GALNT18: variants seen among roughly 807,000 people sequenced by gnomAD.
GALNT18 encodes GalNAc-transferase 18.
Under a neutral mutation model 69.5 loss-of-function variants are expected in GALNT18, and 44 were observed. The observed-to-expected ratio is 0.63, with a 90% confidence interval of 0.50 to 0.81. The LOEUF (loss-of-function observed/expected upper bound fraction) is 0.81, where lower values mean the gene tolerates loss of function less well. Among genes scored for constraint, GALNT18 ranks in the 40% least tolerant of loss-of-function variants. The probability of loss-of-function intolerance (pLI) is 0.00; values close to 1 mark genes in which losing one functional copy is unlikely to be tolerated. For synonymous variants in GALNT18, 364 were observed against 318.2 expected (o/e 1.14, Z -1.53); for missense variants, 715 against 810.0 (o/e 0.88, Z 1.42).
chr11:11,401,839 A>C (rs1050690109), intron 3 of GALNT18, among the ~76,000 whole-genome samples: 1 of 152,208 alleles, frequency 6.6e-6, no homozygotes, highest in Non-Finnish European at 1.5e-5. Context: ...AGATACAACA[A>C]TAGATCCATA....
rs539150019 is a variant in GALNT18, at chr11:11,572,279, G to C, written c.235+49080C>G. Among the ~76,000 whole-genome samples the C allele has an allele frequency of 2.1e-3, 313 of 152,258 alleles. 1 individual carries two copies. The highest frequency in any genetic ancestry group is 3.9e-3 in the Non-Finnish European group (265 of 68,022). On this transcript the variant is annotated intron_variant, in intron 1 of 10. Transcript: ENST00000227756. ...CTAGAAGAGGGGTACACAAATACACGGCCTGCTTGCTCCTTGGGTGGCTTT... is the reference window on the plus strand; with the variant it reads ...CTAGAAGAGGGGTACACAAATACACCGCCTGCTTGCTCCTTGGGTGGCTTT...
chr11:11,504,972 C>T (rs886549245), intron 1 of GALNT18, among the ~76,000 whole-genome samples: 1 of 152,218 alleles, frequency 6.6e-6, no homozygotes, highest in Middle Eastern at 3.4e-3. Context: ...AAGTAGCTTC[C>T]CAGCTAAAGG....
rs1855003577 is a variant in GALNT18 at position 11,421,484 on chromosome 11, G to T, written c.595+11137C>A. Reference sequence around the variant, plus strand: ...CAGGGAACAGAGTCTAGCCCCTCAAGGAAGAGGATTGACCAGGGCTAGCTG... The same window carrying T: ...CAGGGAACAGAGTCTAGCCCCTCAATGAAGAGGATTGACCAGGGCTAGCTG... On this transcript the variant is annotated intron_variant, in intron 3 of 10. Transcript: ENST00000227756. This position sits in a 1 kb window ranked among gnomAD's most constrained non-coding sequence, Gnocchi z 5.6. 6.6e-6 allele frequency among the ~76,000 whole-genome samples: 1 copy of T among 152,182 alleles called. No individual in the cohort carries two copies. Among genetic ancestry groups the T allele is most frequent in the Non-Finnish European group, 1.5e-5 (1 of 68,030 alleles).
At chr11:11,521,494 GC>G (rs1174688744) in intron 1 of GALNT18, among the ~76,000 whole-genome samples, 2 of 151,970 alleles carry the variant, frequency 1.3e-5, no homozygotes, top group African/African-American at 4.8e-5. Flanking sequence ...GACGCTGCAG[GC>G]CTTGTGAAGA....
chr11:11,542,761 G>T lies in GALNT18; in HGVS notation c.235+78598C>A, dbSNP rs1000227160. Among the ~76,000 whole-genome samples, 2 of 152,198 alleles carry T rather than the reference G, an allele frequency of 1.3e-5. No individual in the cohort carries two copies. The highest frequency in any genetic ancestry group is 1.3e-4 in the Admixed American group (2 of 15,276). Reference sequence around the variant, plus strand: ...CTTTGAGTTCCTTTATAGTCTAAGAGCCCCTTTCTTCATTATTTCTGATCG... The same window carrying T: ...CTTTGAGTTCCTTTATAGTCTAAGATCCCCTTTCTTCATTATTTCTGATCG... On this transcript the variant is annotated intron_variant, in intron 1 of 10. Transcript: ENST00000227756. The surrounding 1 kb of genome is among the most constrained non-coding windows in gnomAD (Gnocchi z 4.3).
At chr11:11,346,498 A>G (rs542598802) in intron 6 of GALNT18, among the ~76,000 whole-genome samples, 1 of 152,348 alleles carries the variant, frequency 6.6e-6, no homozygotes, top group East Asian at 1.9e-4. Context: ...ATTTAAGCGC[A>G]TACTGCTGCA....
At chr11:11,466,553 G>A (rs1467183876) in intron 1 of GALNT18, among the ~76,000 whole-genome samples, 3 of 152,222 alleles carry the variant, frequency 2.0e-5, no homozygotes, top group Non-Finnish European at 2.9e-5. Context: ...TGAGAGAGGG[G>A]TGAGGGGAGT....
rs74507390 is a variant in GALNT18, at chr11:11,352,084, C to G, written c.1093-11080G>C. The stretch of plus-strand genomic sequence containing the variant: ...CCTGACATCACATTGGCGCTGCTGA[C>G]GGGCGTACTGCCCCCTGGCATGCTA... On this transcript the variant is annotated intron_variant, in intron 6 of 10. Coordinates refer to ENST00000227756, the MANE Select transcript of GALNT18 (RefSeq NM_198516.3). 20 of 1,613,562 alleles carry G rather than the reference C, an allele frequency of 1.2e-5. No homozygotes were observed. In the African/African-American group the frequency reaches 2.0e-4, roughly 16 times the overall value.
At chr11:11,285,753 G>C (rs1167924646) in intron 10 of GALNT18, among the ~76,000 whole-genome samples, 1 of 152,228 alleles carries the variant, frequency 6.6e-6, no homozygotes, top group Admixed American at 6.5e-5. Context: ...TGGAGCAGGA[G>C]AAAGTCAAGG....
intron 9 of GALNT18, among the ~76,000 whole-genome samples, chr11:11,299,398 G>C (rs1169951802): frequency 6.6e-6 from 1 of 152,078 alleles, no homozygotes; most frequent in Non-Finnish European, 1.5e-5. Flanking sequence ...TGCTCGCCTC[G>C]GCCTCTGAAA....
chr11:11,314,563 C>T lies in GALNT18; in HGVS notation c.1512+12523G>A, dbSNP rs986743346. Reference sequence around the variant, plus strand: ...GTCCAGGCAGGAGATGGCTGGTCTGCCTCTCTTTTGCAACTACCAAAAGAG... The same window carrying T: ...GTCCAGGCAGGAGATGGCTGGTCTGTCTCTCTTTTGCAACTACCAAAAGAG... On this transcript the variant is annotated intron_variant, in intron 9 of 10. Coordinates refer to ENST00000227756, the MANE Select transcript of GALNT18 (RefSeq NM_198516.3). The surrounding 1 kb of genome is among the most constrained non-coding windows in gnomAD (Gnocchi z 5.2). Among the ~76,000 whole-genome samples the T allele has an allele frequency of 1.3e-5, 2 of 152,120 alleles. No homozygotes were observed. Among genetic ancestry groups the T allele is most frequent in the Non-Finnish European group, 2.9e-5 (2 of 68,014 alleles).
chr11:11,487,082 G>A (rs912425193), intron 1 of GALNT18, among the ~76,000 whole-genome samples: 2 of 152,102 alleles, frequency 1.3e-5, no homozygotes, highest in African/African-American at 4.8e-5. Flanking sequence ...TCTTTCCTTT[G>A]CATCCATAAG....
chr11:11,609,192 C>A (rs1859827777), intron 1 of GALNT18, among the ~76,000 whole-genome samples: 1 of 152,210 alleles, frequency 6.6e-6, no homozygotes, highest in Non-Finnish European at 1.5e-5. Context: ...TCTGGTAGCT[C>A]CCCAGTCCTT....
At chr11:11,308,200 G>A (rs1031456379) in intron 9 of GALNT18, among the ~76,000 whole-genome samples, 2 of 152,132 alleles carry the variant, frequency 1.3e-5, no homozygotes, top group African/African-American at 2.4e-5. Context: ...ACTTCCTGGC[G>A]TGGCAGGAAG....
At chr11:11,296,893 C>T (rs1849411832) in intron 9 of GALNT18, among the ~76,000 whole-genome samples, 3 of 152,248 alleles carry the variant, frequency 2.0e-5, no homozygotes, top group African/African-American at 4.8e-5. Flanking sequence ...CCCAGCCTAG[C>T]GGATTAAATA....
chr11:11,271,142 G>C lies in GALNT18; in HGVS notation c.*2C>G. 4 of 1,608,382 alleles carry C rather than the reference G, an allele frequency of 2.5e-6. No individual in the cohort carries two copies. Among genetic ancestry groups the C allele is most frequent in the Non-Finnish European group, 3.4e-6 (4 of 1,175,336 alleles). On this transcript the variant is annotated 3_prime_UTR_variant, in exon 11 of 11. Coordinates refer to ENST00000227756, the MANE Select transcript of GALNT18 (RefSeq NM_198516.3). ...GAGGCAGCCGGAAGTGGCCCCGGTG[G>C]GTCAGGACGCGAGGCTCCTCAGGAC...
intron 1 of GALNT18, among the ~76,000 whole-genome samples, chr11:11,578,119 C>T (rs1858971015): frequency 6.6e-6 from 1 of 152,168 alleles, no homozygotes; most frequent in Admixed American, 6.5e-5. Context: ...CTCAGCCAGA[C>T]ACAGAGGAGA....
chr11:11,331,995 A>T (rs1485622085), intron 8 of GALNT18, among the ~76,000 whole-genome samples: 1 of 152,162 alleles, frequency 6.6e-6, no homozygotes, highest in African/African-American at 2.4e-5. Flanking sequence ...AAGGTTACAT[A>T]TCTACAAATC....
intron 5 of GALNT18, among the ~76,000 whole-genome samples, chr11:11,373,768 G>C (rs1404381707): frequency 6.6e-6 from 1 of 152,230 alleles, no homozygotes; most frequent in East Asian, 1.9e-4. Flanking sequence ...TAGCGTGAGA[G>C]CACGGGGCTA....
Sources: gnomAD v4.1 joint callset for allele counts (sites outside exome capture counted in the v4.1 genomes callset) on GRCh38, gnomAD v4.1.1 for gene constraint, Gnocchi (gnomAD v3.1) non-coding constraint, MANE v1.5 for transcripts, NCBI Gene and HGNC (gene_info 2026-07-23, HGNC 2026-07-21) for gene names.